Variants in RHD observed in about 807,000 individuals in gnomAD.
RHD encodes Rh blood group D antigen, also known as blood group Rh(D) polypeptide.
A neutral mutation model predicts 45.5 loss-of-function variants in RHD; 16 were observed. The observed-to-expected ratio is 0.35, with a 90% CI of 0.24 to 0.53. The LOEUF (loss-of-function observed/expected upper bound fraction) is 0.53, where lower values mean the gene tolerates loss of function less well. Ranked by LOEUF, RHD falls within the 20% of genes least tolerant of loss-of-function variation. The pLI is 0.92. For synonymous variants in RHD, 131 were observed against 217.5 expected (o/e 0.60, Z 3.50); for missense variants, 306 against 532.0 (o/e 0.58, Z 4.18).
Position 25,290,585 on chromosome 1 carries a change from ATGAG to A in RHD, c.336-51_336-48del, listed in dbSNP as rs1557528249. 15 of 1,172,852 alleles carry A rather than the reference ATGAG, an allele frequency of 1.3e-5. 1 individual carries two copies. Among genetic ancestry groups the A allele is most frequent in the South Asian group, 6.2e-5 (5 of 81,118 alleles). The allele number at this position is 1,172,852 out of a possible 1,614,324, so 72.7% of individuals were successfully genotyped here. A position where few individuals can be genotyped will look rare whatever the true frequency, so the allele number is the denominator to read the frequency against. ...AATGAATGAATGAATGAATGAATGAATGAGTGAGAGGCATCCTTCCTTCTCAGTC... is the reference window on the plus strand; with the variant it reads ...AATGAATGAATGAATGAATGAATGAATGAGAGGCATCCTTCCTTCTCAGTC... On this transcript the variant is annotated intron_variant, in intron 2 of 9. Coordinates refer to ENST00000328664, the MANE Select transcript of RHD (RefSeq NM_016124.6).
chr1:25,283,531 A>C (rs1641682921), intron 1 of RHD, among the ~76,000 whole-genome samples: 1 of 128,850 alleles, frequency 7.8e-6, no homozygotes, highest in African/African-American at 2.7e-5. Flanking sequence ...CTCTATCTCG[A>C]TATTAAAAAA....
At position 25,315,995 on chromosome 1, in the gene RHD, G is replaced by C. The variant is rs573263807; in HGVS notation, c.1074-1005G>C. On this transcript the variant is annotated intron_variant, in intron 7 of 9. Coordinates refer to ENST00000328664, the MANE Select transcript of RHD (RefSeq NM_016124.6). ...TGGAGCTTTGCTTTGTCTTAAAAAT[G>C]AGAACATGAGCTGCCCACCTGTTGA... Among the ~76,000 whole-genome samples, 165 of 131,392 alleles carry C rather than the reference G, an allele frequency of 1.3e-3. 42 individuals are homozygous for C. The highest frequency in any genetic ancestry group is 7.4e-3 in the South Asian group (32 of 4,322). 86.2% of individuals were successfully genotyped at this position (131,392 alleles called of 152,430 possible).
intron 3 of RHD, among the ~76,000 whole-genome samples, chr1:25,295,735 G>A (rs1206482853): frequency 9.2e-6 from 1 of 108,788 alleles, no homozygotes; most frequent in African/African-American, 3.0e-5. Flanking sequence ...ACCAAGAGGC[G>A]GCCGGGAGGC....
chr1:25,309,653 C>T (rs1644034334), intron 7 of RHD, among the ~76,000 whole-genome samples: 1 of 132,080 alleles, frequency 7.6e-6, no homozygotes, highest in South Asian at 2.3e-4. Flanking sequence ...AAGCATCTGG[C>T]CAAGCTTTGT....
At chr1:25,293,350 C>CT (rs1278720414) in intron 3 of RHD, among the ~76,000 whole-genome samples, 2,525 of 112,132 alleles carry the variant, frequency 0.023, 323 homozygotes, top group African/African-American at 0.068. Context: ...GACAGTTCAT[C>CT]TTTTTTTTTT....
rs1189378759 is a variant in RHD, at chr1:25,300,342, T to C, written c.487-604T>C. On this transcript the variant is annotated intron_variant, in intron 3 of 9. Coordinates refer to ENST00000328664, the MANE Select transcript of RHD (RefSeq NM_016124.6). ...GCCTGAGCAACATAGCAAGATTCCA[T>C]CTTTACACAAAATTTAAAAATTGGC... 3.1e-5 allele frequency among the ~76,000 whole-genome samples: 4 copies of C among 129,308 alleles called. 1 individual carries two copies. The highest frequency in any genetic ancestry group is 5.5e-5 in the Non-Finnish European group (3 of 55,038). The allele number at this position is 129,308 out of a possible 152,430, so 84.8% of individuals were successfully genotyped here.
At chr1:25,296,028 T>A (rs1642928233) in intron 3 of RHD, among the ~76,000 whole-genome samples, 1 of 115,984 alleles carries the variant, frequency 8.6e-6, no homozygotes. Context: ...ACGCCTGGCT[T>A]ACTTTTGTAT....
intron 8 of RHD, among the ~76,000 whole-genome samples, chr1:25,319,587 C>T (rs1644587918): frequency 7.6e-6 from 1 of 131,796 alleles, no homozygotes; most frequent in African/African-American, 2.6e-5. Flanking sequence ...CCAGCCTGGA[C>T]AACAGAGCAA....
In RHD at chr1:25,303,401, C is replaced by G. The variant is rs779150774; in HGVS notation, c.881C>G (p.Ala294Gly). ...CACCTGATCCCTTCTCCGTGGCTTGCCATGGTGCTGGGTCTTGTGGCTGGG... is the reference window on the plus strand; with the variant it reads ...CACCTGATCCCTTCTCCGTGGCTTGGCATGGTGCTGGGTCTTGTGGCTGGG... ...SCHLIPSPWL[A>G]MVLGLVAGLI... The change falls in exon 6 of 10, where the codon GCC (alanine) becomes GGC (glycine). Residue 294 changes from alanine (A) to glycine (G), a missense_variant. Ala to Gly is a moderately conservative substitution (Grantham distance 60). Coordinates refer to ENST00000328664, the MANE Select transcript of RHD (RefSeq NM_016124.6). 7.3e-7 allele frequency: 1 copy of G among 1,378,902 alleles called. No homozygotes were observed. Among genetic ancestry groups the G allele is most frequent in the Non-Finnish European group, 1.0e-6 (1 of 978,806 alleles). The allele number at this position is 1,378,902 out of a possible 1,614,324, so 85.4% of individuals were successfully genotyped here. A position where few individuals can be genotyped will look rare whatever the true frequency, so the allele number is the denominator to read the frequency against.
intron 3 of RHD, among the ~76,000 whole-genome samples, chr1:25,293,052 G>A (rs1332710361): frequency 1.6e-3 from 204 of 128,372 alleles, no homozygotes; most frequent in African/African-American, 5.4e-3. Flanking sequence ...ATTGGATTTG[G>A]CCAGGAGACC....
intron 4 of RHD, 130 bp downstream of exon 4, chr1:25,301,223 C>T (rs545980829): frequency 1.0e-6 from 1 of 959,552 alleles, no homozygotes; most frequent in Admixed American, 1.9e-5. Context: ...CATCATGATT[C>T]ATTTCTTTGA....
At position 25,330,370 on chromosome 1, in the gene RHD, T is replaced by C. The variant is rs566599020; in HGVS notation, c.*1446T>C. 1 of 133,138 alleles carries C rather than the reference T, an allele frequency of 7.5e-6. No homozygotes were observed. Among genetic ancestry groups the C allele is most frequent in the East Asian group, 1.9e-4 (1 of 5,130 alleles). 8.2% of individuals were successfully genotyped at this position (133,138 alleles called of 1,614,324 possible). On this transcript the variant is annotated 3_prime_UTR_variant, in exon 10 of 10. Coordinates refer to ENST00000328664, the MANE Select transcript of RHD (RefSeq NM_016124.6). ...GAAATCTTGTTTTGCCAATTTTCTT[T>C]GAAAATTCTGGCAGACCAAGGTTCT... is the stretch of plus-strand genomic sequence containing the variant.
chr1:25,297,992 G>T (rs1289626468), intron 3 of RHD, among the ~76,000 whole-genome samples: 1 of 129,128 alleles, frequency 7.7e-6, no homozygotes. Flanking sequence ...TAACATCTCT[G>T]TACACCAGCT....
At chr1:25,285,447 C>G (rs1248384075) in intron 2 of RHD, among the ~76,000 whole-genome samples, 2 of 135,068 alleles carry the variant, frequency 1.5e-5, no homozygotes, top group East Asian at 3.9e-4. Context: ...GAGACATTCT[C>G]TTGAAAAGAA....
intron 7 of RHD, among the ~76,000 whole-genome samples, chr1:25,312,937 A>AAAAAAAAAAAAAAAAAAAC (rs1644234288): frequency 9.4e-6 from 1 of 106,268 alleles, no homozygotes; most frequent in Non-Finnish European, 2.3e-5. Flanking sequence ...AAAAAAAAAA[A>AAAAAAAAAAAAAAAAAAAC]AAAAAAAAAA....
chr1:25,278,531 T>A (rs1641211264), intron 1 of RHD, among the ~76,000 whole-genome samples: 1 of 131,672 alleles, frequency 7.6e-6, no homozygotes, highest in African/African-American at 2.6e-5. Context: ...GCATCTGCAG[T>A]TTGGGGTGGG....
intron 6 of RHD, among the ~76,000 whole-genome samples, chr1:25,304,000 C>T (rs1246986664): frequency 1.2e-5 from 1 of 83,168 alleles, no homozygotes; most frequent in Non-Finnish European, 2.9e-5. Context: ...TGGCTGCTGC[C>T]GGGGAACCAC....
rs61131306 is a variant in RHD, at chr1:25,295,850, A to AT, written c.487-5067dup. 9.1e-4 allele frequency among the ~76,000 whole-genome samples: 74 copies of AT among 81,264 alleles called. 6 individuals carry two copies. The highest frequency in any genetic ancestry group is 3.0e-3 in the African/African-American group (70 of 23,146). 53.3% of individuals were successfully genotyped at this position (81,264 alleles called of 152,430 possible). A position where few individuals can be genotyped will look rare whatever the true frequency, so the allele number is the denominator to read the frequency against. ...AATGGTCTGGGAGGGAATATGGGAA[A>AT]TTTTTTTTTTTTTTTTTTTTTTTTT... On this transcript the variant is annotated intron_variant, in intron 3 of 9. Transcript: ENST00000328664.
chr1:25,308,576 C>A (rs1211264464), intron 7 of RHD, among the ~76,000 whole-genome samples: 1 of 132,084 alleles, frequency 7.6e-6, no homozygotes, highest in Admixed American at 7.4e-5. Context: ...ACAAACGCTT[C>A]CCGCATGACT....
Sources: gnomAD v4.1 joint callset for allele counts (sites outside exome capture counted in the v4.1 genomes callset) on GRCh38, gnomAD v4.1.1 for gene constraint, MANE v1.5 for transcripts, NCBI Gene and HGNC (gene_info 2026-07-23, HGNC 2026-07-21) for gene names.